CD3G: variants seen among roughly 807,000 people sequenced by gnomAD.
The protein encoded by CD3G is CD3 gamma subunit of T-cell receptor complex.
A neutral mutation model predicts 28.3 loss-of-function variants in CD3G; 24 were observed. The observed-to-expected ratio is 0.85, with a 90% CI of 0.61 to 1.19. The LOEUF is 1.19. Ranked by LOEUF, CD3G falls within the 50% of genes most tolerant of loss-of-function variation. The probability of loss-of-function intolerance (pLI) is 0.00; values close to 1 mark genes in which losing one functional copy is unlikely to be tolerated. For missense variants in CD3G, 211 were observed against 210.0 expected, an observed-to-expected ratio of 1.00 and a Z score of -0.03; for synonymous variants, 71 against 75.9, an observed-to-expected ratio of 0.93 and a Z score of 0.34.
At chr11:118,347,479 C>T (rs771157000) in intron 1 of CD3G, among the ~76,000 whole-genome samples, 15 of 152,148 alleles carry the variant, frequency 9.9e-5, no homozygotes, top group Non-Finnish European at 2.2e-4. Flanking sequence ...TTCATATCAG[C>T]ACTCTTTTCT....
intron 2 of CD3G, 84 bp downstream of exon 2, chr11:118,349,134 G>A (rs1413099379): frequency 5.6e-6 from 9 of 1,613,040 alleles, no homozygotes; most frequent in Admixed American, 3.3e-5. Flanking sequence ...CTACAGGAGC[G>A]AACAGTTTAG....
intron 1 of CD3G, 91 bp from the exon 2 acceptor site, chr11:118,348,936 C>T (rs1948380836): frequency 7.1e-7 from 1 of 1,409,156 alleles, no homozygotes; most frequent in South Asian, 1.2e-5. Context: ...GATCTTTCTT[C>T]ATCTTGGCCT....
intron 1 of CD3G, among the ~76,000 whole-genome samples, chr11:118,347,460 A>G (rs1394529019): frequency 6.6e-6 from 1 of 152,234 alleles, no homozygotes; most frequent in Admixed American, 6.5e-5. Flanking sequence ...TGGAAGCAGC[A>G]GTTGATTCTT....
chr11:118,349,224 C>A (rs1325448421), intron 2 of CD3G, 174 bp downstream of exon 2: 5 of 1,554,088 alleles, frequency 3.2e-6, no homozygotes, highest in Non-Finnish European at 4.3e-6. Context: ...CTGTTCCGGG[C>A]AGCTTGCCTG....
At chr11:118,351,457 A>G (rs1267485863) in intron 4 of CD3G, among the ~76,000 whole-genome samples, 171 bp from the exon 5 acceptor site, 1 of 152,166 alleles carries the variant, frequency 6.6e-6, no homozygotes. Context: ...GGACTCATAT[A>G]CTAAGTATTC....
intron 1 of CD3G, among the ~76,000 whole-genome samples, chr11:118,345,374 T>C (rs1224241646): frequency 6.6e-6 from 1 of 152,156 alleles, no homozygotes; most frequent in Non-Finnish European, 1.5e-5. Flanking sequence ...ATTTAAAAGT[T>C]TAAGTCTGCG....
intron 1 of CD3G, among the ~76,000 whole-genome samples, chr11:118,345,212 A>C (rs942410417): frequency 6.6e-5 from 10 of 152,186 alleles, no homozygotes; most frequent in Non-Finnish European, 1.5e-5. Context: ...GAGAAAAAAA[A>C]ACATTCCAGG....
intron 1 of CD3G, 148 bp from the exon 2 acceptor site, chr11:118,348,879 T>A: frequency 1.1e-6 from 1 of 881,244 alleles, no homozygotes; most frequent in Non-Finnish European, 1.9e-6. Flanking sequence ...TGATTTAGTC[T>A]ACAATCCGGA....
chr11:118,349,160 G>A lies in CD3G; in HGVS notation c.79+110G>A, dbSNP rs765718140. 8.9e-5 allele frequency: 143 copies of A among 1,609,762 alleles called. No individual in the cohort carries two copies. In the Middle Eastern group the frequency reaches 4.1e-3, roughly 46 times the overall value. On this transcript the variant is annotated intron_variant, in intron 2 of 6. Coordinates refer to ENST00000532917, the MANE Select transcript of CD3G (RefSeq NM_000073.3). ...AACAGTTTAGAATGAATGAAATGAC[G>A]GGGATAGAGAGGTGATGTCTCTATT... is the stretch of plus-strand genomic sequence containing the variant.
In CD3G at chr11:118,349,797, C is replaced by T; in HGVS notation, c.134C>T (p.Thr45Ile). ...DYQEDGSVLLTCDAEAKNITW... is the reference protein window; with the variant it reads ...DYQEDGSVLLICDAEAKNITW... The stretch of plus-strand genomic sequence containing the variant: ...CAAGAAGATGGTTCGGTACTTCTGA[C>T]TTGTGATGCAGAAGCCAAAAATATC... The change falls in exon 3 of 7, where the codon ACT (threonine) becomes ATT (isoleucine). Residue 45 changes from threonine (T) to isoleucine (I), a missense_variant. By Grantham distance (89) the Thr-to-Ile change is moderately conservative. Coordinates refer to ENST00000532917, the MANE Select transcript of CD3G (RefSeq NM_000073.3). 1.9e-6 allele frequency: 3 copies of T among 1,614,068 alleles called. No individual in the cohort carries two copies. The highest frequency in any genetic ancestry group is 2.5e-6 in the Non-Finnish European group (3 of 1,179,980).
intron 1 of CD3G, among the ~76,000 whole-genome samples, chr11:118,348,484 C>T (rs1043775356): frequency 6.6e-6 from 1 of 152,216 alleles, no homozygotes; most frequent in African/African-American, 2.4e-5. Flanking sequence ...AATTAGAACA[C>T]ATCGCCCCCA....
intron 2 of CD3G, chr11:118,349,427 T>C: frequency 2.8e-6 from 2 of 724,874 alleles, no homozygotes; most frequent in South Asian, 3.9e-5. Flanking sequence ...CTGTTAGCAG[T>C]TTCTTACCTG....
At chr11:118,348,531 C>T (rs1214593477) in intron 1 of CD3G, among the ~76,000 whole-genome samples, 1 of 152,170 alleles carries the variant, frequency 6.6e-6, no homozygotes, top group Non-Finnish European at 1.5e-5. Context: ...TTGATGGGTT[C>T]ACCAACCAGG....
intron 2 of CD3G, 21 bp from the exon 3 acceptor site, chr11:118,349,722 C>T (rs199641636): frequency 6.4e-7 from 1 of 1,572,076 alleles, no homozygotes. Flanking sequence ...CTTAATAGAA[C>T]CACGGCTTTT....
chr11:118,347,019 A>C (rs536761136), intron 1 of CD3G, among the ~76,000 whole-genome samples: 1 of 152,220 alleles, frequency 6.6e-6, no homozygotes, highest in African/African-American at 2.4e-5. Context: ...TCATTCAACA[A>C]ATAAAGTTCC....
Position 118,353,998 on chromosome 11 carries a change from T to G in CD3G, c.*898T>G, listed in dbSNP as rs574999819. ...TATATGAAGATACCATTATATCCTT[T>G]TTAATGCAACCATATTGTACAAATA... On this transcript the variant is annotated 3_prime_UTR_variant, in exon 7 of 7. Coordinates refer to ENST00000532917, the MANE Select transcript of CD3G (RefSeq NM_000073.3). 1 of 152,360 alleles carries G rather than the reference T, an allele frequency of 6.6e-6. No homozygotes were observed. The highest frequency in any genetic ancestry group is 3.4e-3 in the Middle Eastern group (1 of 294). The allele number at this position is 152,360 out of a possible 1,614,324, so 9.4% of individuals were successfully genotyped here.
intron 2 of CD3G, 69 bp downstream of exon 2, chr11:118,349,119 T>C: frequency 6.2e-7 from 1 of 1,613,852 alleles, no homozygotes; most frequent in Non-Finnish European, 8.5e-7. Context: ...CCTACAACAG[T>C]AGTCCTACAG....
At chr11:118,351,566 T>C (rs751844874) in intron 4 of CD3G, 62 bp from the exon 5 acceptor site, 3 of 1,499,798 alleles carry the variant, frequency 2.0e-6, no homozygotes, top group Non-Finnish European at 2.8e-6. Context: ...TTCCATTTTG[T>C]GAATATAACC....
At chr11:118,351,704 G>C (rs201960353) in intron 5 of CD3G, 33 bp downstream of exon 5, 1 of 1,601,492 alleles carries the variant, frequency 6.2e-7, no homozygotes, top group Non-Finnish European at 8.6e-7. Context: ...AGACATTGCT[G>C]TAATTAGTGG....
Sources: allele counts gnomAD v4.1 joint callset (sites outside exome capture counted in the v4.1 genomes callset), GRCh38; gene constraint gnomAD v4.1.1; transcripts MANE v1.5; gene names NCBI Gene and HGNC (gene_info 2026-07-23, HGNC 2026-07-21).